Variants in CTNNA2 observed in about 807,000 individuals in gnomAD.
The protein encoded by CTNNA2 is catenin alpha 2.
In CTNNA2, 42 loss-of-function variants were observed where a neutral mutation model predicts 101.0. The observed-to-expected ratio is 0.42, with a 90% CI of 0.32 to 0.54. CTNNA2 has a LOEUF of 0.54. Among genes scored for constraint, CTNNA2 ranks in the 20% least tolerant of loss-of-function variants. The pLI, the probability that CTNNA2 is intolerant of heterozygous loss-of-function variation, is 0.14. For missense variants in CTNNA2, 871 were observed against 1,223.1 expected (o/e 0.71, Z 4.29); for synonymous variants, 450 against 456.4 (o/e 0.99, Z 0.18).
At chr2:79,680,829 C>T (rs1290420025) in intron 2 of CTNNA2, among the ~76,000 whole-genome samples, 1 of 152,224 alleles carries the variant, frequency 6.6e-6, no homozygotes, top group Non-Finnish European at 1.5e-5. Context: ...AAGAGGTAAA[C>T]TGGCTTTTTC....
intron 2 of CTNNA2, among the ~76,000 whole-genome samples, chr2:79,738,018 C>T (rs990406770): frequency 2.6e-5 from 4 of 152,106 alleles, no homozygotes; most frequent in South Asian, 2.1e-4. Flanking sequence ...TACAACATAT[C>T]GCAAGAAAGA....
chr2:79,374,163 G>A (rs1558651488), intron 4 of CTNNA2: 9 of 154,696 alleles, frequency 5.8e-5, no homozygotes, highest in South Asian at 2.0e-4. Flanking sequence ...AGCAACAACA[G>A]CAGCAGCAGC....
At chr2:79,992,078 G>C (rs1350239492) in intron 7 of CTNNA2, among the ~76,000 whole-genome samples, 1 of 152,122 alleles carries the variant, frequency 6.6e-6, no homozygotes, top group Admixed American at 6.5e-5. Flanking sequence ...GCAGCTGCTA[G>C]AAATAAAAAT....
intron 2 of CTNNA2, among the ~76,000 whole-genome samples, chr2:79,286,008 AT>A: frequency 1.3e-5 from 2 of 150,342 alleles, no homozygotes; most frequent in South Asian, 4.1e-4. Flanking sequence ...CCATTATGTA[AT>A]GGCCTTCTTT....
intron 4 of CTNNA2, among the ~76,000 whole-genome samples, chr2:79,455,429 G>A (rs537875441): frequency 1.5e-4 from 23 of 152,198 alleles, no homozygotes; most frequent in Middle Eastern, 3.4e-3. Context: ...TGCATCCCAT[G>A]GCCAAAGGTC....
intron 1 of CTNNA2, among the ~76,000 whole-genome samples, chr2:79,554,646 G>T (rs1181106993): frequency 6.6e-6 from 1 of 152,020 alleles, no homozygotes; most frequent in African/African-American, 2.4e-5. Context: ...AATACCTCTA[G>T]AAAAAGTGAA....
intron 7 of CTNNA2, among the ~76,000 whole-genome samples, chr2:79,982,377 C>CCT (rs1691420299): frequency 2.7e-5 from 2 of 73,090 alleles, no homozygotes; most frequent in African/African-American, 4.4e-5. Context: ...ATATATATAA[C>CCT]ATATATAACA....
intron 2 of CTNNA2, among the ~76,000 whole-genome samples, chr2:79,702,069 CCT>C (rs1165262307): frequency 2.7e-5 from 4 of 150,742 alleles, no homozygotes; most frequent in Non-Finnish European, 4.4e-5. Context: ...AGAACAGGCC[CCT>C]GATACCCAAA....
chr2:79,340,074 G>A (rs920394035), intron 3 of CTNNA2: 2 of 152,148 alleles, frequency 1.3e-5, no homozygotes, highest in Admixed American at 6.5e-5. Flanking sequence ...GTAAGCAAAG[G>A]ACACCGACAG....
chr2:80,516,948 GTAAGT>G (rs1264048466), intron 9 of CTNNA2, among the ~76,000 whole-genome samples: 1 of 152,180 alleles, frequency 6.6e-6, no homozygotes, highest in East Asian at 1.9e-4. Context: ...CTCATGAGGG[GTAAGT>G]TAAGTTTTGT....
chr2:80,403,228 A>G (rs1248868023), intron 8 of CTNNA2, among the ~76,000 whole-genome samples: 1 of 152,186 alleles, frequency 6.6e-6, no homozygotes. Context: ...TTCATCATGG[A>G]CGAACCTCTT....
chr2:80,524,083 C>T (rs1352287916), intron 9 of CTNNA2, among the ~76,000 whole-genome samples: 1 of 152,100 alleles, frequency 6.6e-6, no homozygotes, highest in Non-Finnish European at 1.5e-5. Flanking sequence ...GGATGACAGG[C>T]CTTCAGGAGA....
At chr2:79,760,155 TCA>T (rs1355324796) in intron 3 of CTNNA2, among the ~76,000 whole-genome samples, 1 of 152,166 alleles carries the variant, frequency 6.6e-6, no homozygotes, top group African/African-American at 2.4e-5. Flanking sequence ...ATAATGATTG[TCA>T]TATAGGCAAG....
intron 5 of CTNNA2, among the ~76,000 whole-genome samples, chr2:79,871,209 G>C (rs12624073): frequency 0.086 from 13,107 of 152,112 alleles, 652 homozygotes; most frequent in East Asian, 0.15. Flanking sequence ...AACATTTATT[G>C]AATGTTCATT....
chr2:80,025,974 A>G (rs1694901317), intron 7 of CTNNA2, among the ~76,000 whole-genome samples: 1 of 152,186 alleles, frequency 6.6e-6, no homozygotes, highest in East Asian at 1.9e-4. Context: ...ATAAGTAAGC[A>G]TGTGTGCAGT....
intron 1 of CTNNA2, among the ~76,000 whole-genome samples, chr2:79,624,635 GAATT>G (rs1168700647): frequency 6.6e-6 from 1 of 152,044 alleles, no homozygotes. Flanking sequence ...TGGTGGGAGT[GAATT>G]AATTAGTTAA....
chr2:79,771,541 G>A (rs771526453), intron 3 of CTNNA2, among the ~76,000 whole-genome samples: 1 of 152,172 alleles, frequency 6.6e-6, no homozygotes, highest in Non-Finnish European at 1.5e-5. Context: ...CCCATCTGGG[G>A]GTGATGGGAG....
chr2:79,690,207 A>C (rs181460258), intron 2 of CTNNA2, among the ~76,000 whole-genome samples: 7 of 152,188 alleles, frequency 4.6e-5, no homozygotes, highest in Non-Finnish European at 8.8e-5. Flanking sequence ...ATTTAAAAAA[A>C]GATGTTAGCA....
At chr2:80,062,011 G>A (rs1480362924) in intron 7 of CTNNA2, among the ~76,000 whole-genome samples, 6 of 152,202 alleles carry the variant, frequency 3.9e-5, no homozygotes, top group Non-Finnish European at 8.8e-5. Context: ...TGTAAAATGA[G>A]AGGCTTTCAG....
Sources: allele counts gnomAD v4.1 joint callset (sites outside exome capture counted in the v4.1 genomes callset), GRCh38; gene constraint gnomAD v4.1.1; transcripts MANE v1.5; gene names NCBI Gene and HGNC (gene_info 2026-07-23, HGNC 2026-07-21).